ATP6V0A2: variants seen among roughly 807,000 people sequenced by gnomAD.
ATP6V0A2 encodes ATPase H+ transporting V0 subunit a2, also known as V-type proton ATPase 116 kDa subunit a 2.
In ATP6V0A2, 58 loss-of-function variants were observed where a neutral mutation model predicts 104.4. That is an observed-to-expected ratio of 0.56 (90% CI 0.45 to 0.69). The LOEUF (loss-of-function observed/expected upper bound fraction) is 0.69. ATP6V0A2 is among the 30% of genes least tolerant of loss of function. The pLI is 0.00. For synonymous variants in ATP6V0A2, 376 were observed against 397.9 expected (o/e 0.95, Z 0.65); for missense variants, 938 against 1,062.9 (o/e 0.88, Z 1.63).
Position 123,752,366 on chromosome 12 carries a change from G to C in ATP6V0A2, c.2139G>C (p.Gln713His). 1 of 1,614,140 alleles carries C rather than the reference G, an allele frequency of 6.2e-7. No individual in the cohort carries two copies. Among genetic ancestry groups the C allele is most frequent in the South Asian group, 1.1e-5 (1 of 91,084 alleles). Residue 713 changes from glutamine (Q) to histidine (H), a missense_variant, in exon 17 of 20, where the codon CAG becomes CAC. Physicochemically the swap from Gln to His is conservative, Grantham distance 24 (BLOSUM62 0). Coordinates refer to ENST00000330342, the MANE Select transcript of ATP6V0A2 (RefSeq NM_012463.4). ...AAGATATAGAAGAGGGAAATCACCA[G>C]GTGGAAGATGGATGTAGAGAAATGG... ...GSQDIEEGNH[Q>H]VEDGCREMAC...
intron 6 of ATP6V0A2, chr12:123,732,650 A>G (rs1403747477): frequency 7.9e-6 from 1 of 125,922 alleles, no homozygotes; most frequent in African/African-American, 2.9e-5. Context: ...TTTTCCATTT[A>G]CCCTGACTTG....
rs558027144 is a variant in ATP6V0A2, at chr12:123,758,059, C to G, written c.*27C>G. The stretch of plus-strand genomic sequence containing the variant: ...CATATTGCTGTAACCAACAAGCTTT[C>G]AGATTTATGGAGAATGACCATGTTA... On this transcript the variant is annotated 3_prime_UTR_variant, in exon 20 of 20. Transcript: ENST00000330342. 45 of 1,464,894 alleles carry G rather than the reference C, an allele frequency of 3.1e-5. No individual in the cohort carries two copies. In the East Asian group the frequency reaches 9.7e-4, roughly 32 times the overall value. 90.7% of individuals were successfully genotyped at this position (1,464,894 alleles called of 1,614,324 possible).
intron 2 of ATP6V0A2, among the ~76,000 whole-genome samples, chr12:123,720,269 G>T (rs748386153): frequency 1.3e-5 from 2 of 152,160 alleles, no homozygotes; most frequent in Non-Finnish European, 2.9e-5. Context: ...TACGTTAGTG[G>T]CACCATATTC....
chr12:123,750,575 C>T (rs548081569), intron 15 of ATP6V0A2: 1 of 203,912 alleles, frequency 4.9e-6, no homozygotes, highest in African/African-American at 2.4e-5. Context: ...CTGTGTAAGC[C>T]TGAGTGGATT....
intron 3 of ATP6V0A2, chr12:123,723,968 G>A (rs1348813099): frequency 6.6e-6 from 1 of 152,152 alleles, no homozygotes; most frequent in Non-Finnish European, 1.5e-5. Flanking sequence ...AGCACCTGTG[G>A]TTAGAGACGA....
At position 123,740,503 on chromosome 12, in the gene ATP6V0A2, G is replaced by C. The variant is rs188716746; in HGVS notation, c.1038+3232G>C. Among the ~76,000 whole-genome samples the C allele has an allele frequency of 7.9e-5, 12 of 152,290 alleles. No homozygotes were observed. The East Asian group carries it at 2.3e-3, about 29-fold the overall frequency. ...TGGGATTACAGGCGTGAGCCATCGC[G>C]CCTGGCCCAGAATGTGTCTCTTAAC... On this transcript the variant is annotated intron_variant, in intron 9 of 19. Transcript: ENST00000330342.
At position 123,760,256 on chromosome 12, in the gene ATP6V0A2, G is replaced by A. The variant is rs1956798075; in HGVS notation, c.*2224G>A. 1 of 152,196 alleles carries A rather than the reference G, an allele frequency of 6.6e-6. No homozygotes were observed. Among genetic ancestry groups the A allele is most frequent in the Admixed American group, 6.5e-5 (1 of 15,280 alleles). 9.4% of individuals were successfully genotyped at this position (152,196 alleles called of 1,614,324 possible). The stretch of plus-strand genomic sequence containing the variant: ...CTCTTCTCAGCATAGAGCAGAGGAT[G>A]CAGTCATTTCTCTGTTGAAATCTAT... On this transcript the variant is annotated 3_prime_UTR_variant, in exon 20 of 20. Coordinates refer to ENST00000330342, the MANE Select transcript of ATP6V0A2 (RefSeq NM_012463.4).
chr12:123,727,401 C>T (rs1161543776), intron 5 of ATP6V0A2, among the ~76,000 whole-genome samples: 1 of 151,974 alleles, frequency 6.6e-6, no homozygotes, highest in Admixed American at 6.6e-5. Flanking sequence ...GCCTCAGCCT[C>T]CCGAGTAGCT....
chr12:123,736,211 G>A (rs1472754323), intron 8 of ATP6V0A2, among the ~76,000 whole-genome samples: 3 of 120,288 alleles, frequency 2.5e-5, no homozygotes, highest in Non-Finnish European at 5.0e-5. Flanking sequence ...TTTTTTTGAG[G>A]TGGAATCATG....
intron 19 of ATP6V0A2, among the ~76,000 whole-genome samples, 189 bp from the exon 20 acceptor site, chr12:123,757,738 C>T (rs944994721): frequency 6.6e-6 from 1 of 152,132 alleles, no homozygotes; most frequent in Non-Finnish European, 1.5e-5. Flanking sequence ...TTTCTGTTCA[C>T]ACTGGGAAAG....
intron 5 of ATP6V0A2, among the ~76,000 whole-genome samples, chr12:123,726,834 C>T (rs2135889839): frequency 6.6e-6 from 1 of 152,298 alleles, no homozygotes. Flanking sequence ...TGACATTTGT[C>T]AGGTACCTGG....
At position 123,751,156 on chromosome 12, in the gene ATP6V0A2, C is replaced by A; in HGVS notation, c.1982C>A (p.Pro661His). The A allele has an allele frequency of 6.2e-7, 1 of 1,614,174 alleles. No homozygotes were observed. Among genetic ancestry groups the A allele is most frequent in the Non-Finnish European group, 8.5e-7 (1 of 1,180,040 alleles). The change falls in exon 16 of 20, where the codon CCT (proline) becomes CAT (histidine). Residue 661 changes from proline to histidine, a missense_variant. Coordinates refer to ENST00000330342, the MANE Select transcript of ATP6V0A2 (RefSeq NM_012463.4). ...CTGGTTGTCACAGCATTGTCTGTCC[C>A]TGTCCTCTTCTTGGGAAAGCCACTG... ...VLLVVTALSV[P>H]VLFLGKPLFL...
chr12:123,749,820 G>A (rs1383214959), intron 15 of ATP6V0A2, among the ~76,000 whole-genome samples: 1 of 152,164 alleles, frequency 6.6e-6, no homozygotes, highest in Admixed American at 6.5e-5. Context: ...CAGAGCCTGT[G>A]TTCCTCCTGA....
intron 9 of ATP6V0A2, among the ~76,000 whole-genome samples, chr12:123,738,013 A>G (rs1566283589): frequency 6.6e-6 from 1 of 152,242 alleles, no homozygotes; most frequent in Non-Finnish European, 1.5e-5. Context: ...TTTGTAGGGT[A>G]AATTCCCAGA....
intron 16 of ATP6V0A2, 41 bp from the exon 17 acceptor site, chr12:123,752,242 T>C: frequency 6.2e-7 from 1 of 1,613,512 alleles, no homozygotes; most frequent in Non-Finnish European, 8.5e-7. Context: ...CACAACCTTG[T>C]GGTTTTACAG....
chr12:123,732,573 T>TGTG (rs1956511808), intron 6 of ATP6V0A2: 1 of 152,030 alleles, frequency 6.6e-6, no homozygotes, highest in Non-Finnish European at 1.5e-5. Flanking sequence ...CTGTGTGTAC[T>TGTG]CCTCTGCTTG....
At position 123,751,122 on chromosome 12, in the gene ATP6V0A2, A is replaced by G; in HGVS notation, c.1948A>G (p.Arg650Gly). ...GLYTGQEYVQ[R>G]VLLVVTALSV... is the part of the protein sequence containing the mutation. ...TCTGCACTAACAGGAGTATGTCCAG[A>G]GAGTGCTGCTGGTTGTCACAGCATT... The change falls in exon 16 of 20, where the codon AGA (arginine) becomes GGA (glycine). Residue 650 changes from arginine (R) to glycine (G), a missense_variant. Physicochemically the swap from Arg to Gly is moderately radical, Grantham distance 125 (BLOSUM62 -2). Transcript: ENST00000330342. 1 of 1,614,104 alleles carries G rather than the reference A, an allele frequency of 6.2e-7. No homozygotes were observed. Among genetic ancestry groups the G allele is most frequent in the Non-Finnish European group, 8.5e-7 (1 of 1,180,030 alleles).
rs1566287734 is a variant in ATP6V0A2 at position 123,744,993 on chromosome 12, CGTT to C, written c.1605+24_1605+26del. 1.2e-6 allele frequency: 2 copies of C among 1,610,216 alleles called. No homozygotes were observed. The highest frequency in any genetic ancestry group is 1.1e-5 in the South Asian group (1 of 90,974). On this transcript the variant is annotated intron_variant, in intron 13 of 19. Transcript: ENST00000330342. The surrounding 1 kb of genome is among the most constrained non-coding windows in gnomAD (Gnocchi z 5.4). The stretch of plus-strand genomic sequence containing the variant: ...ATCCTGTGAGTGCACCACGCTCTGT[CGTT>C]GTCTCTGGATGCTCTGTGGTGCCAC...
chr12:123,719,668 C>T (rs1487893615), intron 2 of ATP6V0A2, among the ~76,000 whole-genome samples: 2 of 151,974 alleles, frequency 1.3e-5, no homozygotes, highest in Non-Finnish European at 2.9e-5. Flanking sequence ...ACACTTCCCC[C>T]AAAGCTCTCC....
Sources: allele counts gnomAD v4.1 joint callset (sites outside exome capture counted in the v4.1 genomes callset), GRCh38; gene constraint gnomAD v4.1.1; non-coding constraint Gnocchi (gnomAD v3.1); transcripts MANE v1.5; gene names NCBI Gene and HGNC (gene_info 2026-07-23, HGNC 2026-07-21).